Variants in CFAP299 observed in about 807,000 individuals in gnomAD.
CFAP299 encodes cilia and flagella associated protein 299.
In CFAP299, 21 loss-of-function variants were observed where a neutral mutation model predicts 27.0. The ratio of observed to expected loss-of-function variants is 0.78; its 90% CI spans 0.55 to 1.12. The LOEUF (loss-of-function observed/expected upper bound fraction) is 1.12. Ranked by LOEUF, CFAP299 falls within the 50% of genes most tolerant of loss-of-function variation. The pLI, the probability that CFAP299 is intolerant of heterozygous loss-of-function variation, is 0.00. For missense variants in CFAP299, 310 were observed against 276.6 expected (o/e 1.12, Z -0.86); for synonymous variants, 104 against 98.1 (o/e 1.06, Z -0.36).
rs181557152 is a variant in CFAP299 at position 80,736,109 on chromosome 4, G to T, written c.334-133884G>T. Among the ~76,000 whole-genome samples the T allele has an allele frequency of 2.1e-3, 316 of 152,150 alleles. 2 individuals carry two copies. The highest frequency in any genetic ancestry group is 8.1e-4 in the Non-Finnish European group (55 of 67,986). ...AATTAGATCCCATTTGTCAATTTTGGCTTTGGTTGCCATTGCTTTTGGTGT... is the reference window on the plus strand; with the variant it reads ...AATTAGATCCCATTTGTCAATTTTGTCTTTGGTTGCCATTGCTTTTGGTGT... On this transcript the variant is annotated intron_variant, in intron 3 of 5. Coordinates refer to ENST00000358105, the MANE Select transcript of CFAP299 (RefSeq NM_152770.3).
At chr4:80,431,443 T>A (rs1442348822) in intron 2 of CFAP299, among the ~76,000 whole-genome samples, 2 of 150,690 alleles carry the variant, frequency 1.3e-5, no homozygotes, top group African/African-American at 2.4e-5. Flanking sequence ...TCCCTTCCTT[T>A]CTTTGCCTCC....
chr4:80,667,217 AC>A (rs1741184180), intron 3 of CFAP299, among the ~76,000 whole-genome samples: 1 of 152,182 alleles, frequency 6.6e-6, no homozygotes, highest in Non-Finnish European at 1.5e-5. Context: ...TTATTGATCT[AC>A]AAAGATGTAC....
At chr4:80,502,787 C>G (rs1351320358) in intron 2 of CFAP299, among the ~76,000 whole-genome samples, 1 of 152,028 alleles carries the variant, frequency 6.6e-6, no homozygotes, top group Non-Finnish European at 1.5e-5. Flanking sequence ...CTTGGTTTAT[C>G]TCATTTATTA....
At chr4:80,919,376 A>G (rs1361951443) in intron 4 of CFAP299, among the ~76,000 whole-genome samples, 3 of 152,198 alleles carry the variant, frequency 2.0e-5, no homozygotes, top group Non-Finnish European at 4.4e-5. Flanking sequence ...AAGAAGTTCA[A>G]GGATTTAGCC....
intron 4 of CFAP299, among the ~76,000 whole-genome samples, chr4:80,887,515 C>T (rs1477948236): frequency 6.6e-6 from 1 of 152,022 alleles, no homozygotes. Flanking sequence ...AAATAAATAA[C>T]TTCCCAGAAA....
chr4:80,921,277 A>G (rs1241119497), intron 4 of CFAP299, among the ~76,000 whole-genome samples: 2 of 152,166 alleles, frequency 1.3e-5, no homozygotes, highest in African/African-American at 4.8e-5. Context: ...AGAAAGCCAG[A>G]CTTAGACAAT....
intron 3 of CFAP299, among the ~76,000 whole-genome samples, chr4:80,700,008 AT>A: frequency 6.6e-6 from 1 of 152,276 alleles, no homozygotes; most frequent in South Asian, 2.1e-4. Context: ...AGTGAGAAAA[AT>A]TATAATGTGA....
intron 5 of CFAP299, among the ~76,000 whole-genome samples, chr4:80,957,142 A>C (rs1472821965): frequency 6.6e-6 from 1 of 152,088 alleles, no homozygotes; most frequent in African/African-American, 2.4e-5. Flanking sequence ...TTGTTTCATC[A>C]GTTATTATTT....
At chr4:80,703,050 G>A (rs1467833780) in intron 3 of CFAP299, among the ~76,000 whole-genome samples, 1 of 151,746 alleles carries the variant, frequency 6.6e-6, no homozygotes, top group Admixed American at 6.6e-5. Context: ...TGTGAGACTG[G>A]AGGGGAATCT....
chr4:80,677,084 G>A (rs886522473), intron 3 of CFAP299, among the ~76,000 whole-genome samples: 2 of 151,742 alleles, frequency 1.3e-5, no homozygotes, highest in Non-Finnish European at 2.9e-5. Flanking sequence ...GGTGTTTATT[G>A]CTATAAACTT....
intron 2 of CFAP299, among the ~76,000 whole-genome samples, chr4:80,463,938 T>C (rs1244741849): frequency 6.6e-6 from 1 of 152,284 alleles, no homozygotes; most frequent in East Asian, 1.9e-4. Context: ...CTCTTCATTA[T>C]CCACAAAAGT....
intron 2 of CFAP299, among the ~76,000 whole-genome samples, chr4:80,450,888 C>CGT (rs35096997): frequency 0.57 from 83,450 of 145,456 alleles, 25,280 homozygotes; most frequent in East Asian, 0.7. Context: ...GGATTAATAC[C>CGT]GTGTGTGTGT....
chr4:80,386,571 A>T, intron 2 of CFAP299: 1 of 1,597,452 alleles, frequency 6.3e-7, no homozygotes, highest in Non-Finnish European at 8.6e-7. Context: ...CCGAGACGAC[A>T]GCGGTGATCT....
At chr4:80,496,758 G>A (rs976861480) in intron 2 of CFAP299, among the ~76,000 whole-genome samples, 14 of 152,156 alleles carry the variant, frequency 9.2e-5, no homozygotes, top group Admixed American at 8.5e-4. Flanking sequence ...AAGAAAAGAG[G>A]TTTAATTGGC....
intron 2 of CFAP299, among the ~76,000 whole-genome samples, chr4:80,464,456 C>T (rs911935190): frequency 2.0e-5 from 3 of 152,050 alleles, no homozygotes; most frequent in African/African-American, 7.2e-5. Context: ...TTTAATTTTC[C>T]AGTTTTTAAA....
At chr4:80,743,947 G>T (rs544276727) in intron 3 of CFAP299, among the ~76,000 whole-genome samples, 2 of 152,278 alleles carry the variant, frequency 1.3e-5, no homozygotes, top group Admixed American at 6.5e-5. Context: ...ATGGACCCAG[G>T]CTGTTCCTTG....
chr4:80,631,862 C>CT lies in CFAP299; in HGVS notation c.333+48679_333+48680insT, dbSNP rs761313631. Among the ~76,000 whole-genome samples the CT allele has an allele frequency of 4.6e-4, 22 of 47,586 alleles. 3 individuals are homozygous for CT. The highest frequency in any genetic ancestry group is 8.4e-4 in the Non-Finnish European group (19 of 22,512). The allele number at this position is 47,586 out of a possible 152,430, so 31.2% of individuals were successfully genotyped here. A position where few individuals can be genotyped will look rare whatever the true frequency, so the allele number is the denominator to read the frequency against. ...GGCTATCAGTCTGAATATTTGTGCC[C>CT]CACCCCCCCCCAACCAAATTCATAT... On this transcript the variant is annotated intron_variant, in intron 3 of 5. Transcript: ENST00000358105.
intron 3 of CFAP299, among the ~76,000 whole-genome samples, chr4:80,711,229 G>A (rs567208858): frequency 5.3e-5 from 8 of 152,262 alleles, no homozygotes; most frequent in East Asian, 1.9e-4. Flanking sequence ...GGGGAGAGCC[G>A]GCTGTTCAGT....
intron 3 of CFAP299, among the ~76,000 whole-genome samples, chr4:80,782,345 A>T (rs1313492678): frequency 6.6e-6 from 1 of 151,892 alleles, no homozygotes; most frequent in Non-Finnish European, 1.5e-5. Flanking sequence ...TGAATTTAGC[A>T]GTTTGTGAAA....
Sources: gnomAD v4.1 joint callset for allele counts (sites outside exome capture counted in the v4.1 genomes callset) on GRCh38, gnomAD v4.1.1 for gene constraint, MANE v1.5 for transcripts, NCBI Gene and HGNC (gene_info 2026-07-23, HGNC 2026-07-21) for gene names.